CPNE4: variants seen among roughly 807,000 people sequenced by gnomAD.
The protein encoded by CPNE4 is copine 4.
CPNE4 carries 25 observed loss-of-function variants against 67.9 expected under a neutral mutation model. The observed-to-expected ratio is 0.37, with a 90% CI of 0.27 to 0.51. CPNE4 has a LOEUF of 0.51. Among genes scored for constraint, CPNE4 ranks in the 20% least tolerant of loss-of-function variants. The pLI, the probability that CPNE4 is intolerant of heterozygous loss-of-function variation, is 0.93. For missense variants in CPNE4, 464 were observed against 690.8 expected, an observed-to-expected ratio of 0.67 and a Z score of 3.68; for synonymous variants, 242 against 244.9, an observed-to-expected ratio of 0.99 and a Z score of 0.11.
At chr3:131,559,977 G>C (rs1936674002) in intron 11 of CPNE4, among the ~76,000 whole-genome samples, 1 of 152,018 alleles carries the variant, frequency 6.6e-6, no homozygotes, top group Admixed American at 6.6e-5. Context: ...AAATGTGACA[G>C]CTATACATTT....
intron 2 of CPNE4, among the ~76,000 whole-genome samples, chr3:131,742,343 G>A (rs774104957): frequency 6.6e-6 from 1 of 152,096 alleles, no homozygotes; most frequent in African/African-American, 2.4e-5. Context: ...AATTTATACC[G>A]TGGGCTCTCC....
chr3:131,978,514 T>TTATATA (rs1209915945), intron 1 of CPNE4, among the ~76,000 whole-genome samples: 23 of 76,562 alleles, frequency 3.0e-4, no homozygotes, highest in Non-Finnish European at 4.5e-4. Flanking sequence ...TTATATATAT[T>TTATATA]TATTTATATA....
At chr3:131,656,262 G>A (rs1041364474) in intron 7 of CPNE4, among the ~76,000 whole-genome samples, 5 of 152,114 alleles carry the variant, frequency 3.3e-5, no homozygotes, top group African/African-American at 1.2e-4. Flanking sequence ...GCAATGGGAA[G>A]TTCTCTGAGA....
At chr3:131,733,420 C>T (rs1023061892) in intron 2 of CPNE4, among the ~76,000 whole-genome samples, 3 of 152,192 alleles carry the variant, frequency 2.0e-5, no homozygotes, top group African/African-American at 7.2e-5. Context: ...TGGCTAAAGC[C>T]CCCCTAGAAT....
chr3:132,022,435 T>C lies in CPNE4; in HGVS notation c.-2+12132A>G, dbSNP rs1361887151. Among the ~76,000 whole-genome samples the C allele has an allele frequency of 2.0e-5, 3 of 152,264 alleles. No homozygotes were observed. The East Asian group carries it at 5.8e-4, about 29-fold the overall frequency. On this transcript the variant is annotated intron_variant, in intron 1 of 15. Coordinates refer to ENST00000429747, the MANE Select transcript of CPNE4 (RefSeq NM_130808.3). ...AGAGTTCCCAGGAGGTGGCCCCTCA[T>C]GGGACAGCACAGATTCCTGCTTGAT... is the stretch of plus-strand genomic sequence containing the variant.
intron 7 of CPNE4, among the ~76,000 whole-genome samples, chr3:131,598,440 GTTTTC>G (rs934756793): frequency 1.3e-5 from 2 of 152,068 alleles, no homozygotes; most frequent in Admixed American, 1.3e-4. Context: ...TACTCCCTTT[GTTTTC>G]TTTTGTTAGG....
intron 2 of CPNE4, among the ~76,000 whole-genome samples, chr3:131,735,846 G>T: frequency 6.6e-6 from 1 of 152,082 alleles, no homozygotes; most frequent in South Asian, 2.1e-4. Flanking sequence ...TTGGTATTTT[G>T]CCCAATTTCC....
At chr3:131,917,778 G>A (rs542319493) in intron 1 of CPNE4, among the ~76,000 whole-genome samples, 3 of 152,320 alleles carry the variant, frequency 2.0e-5, no homozygotes, top group Non-Finnish European at 4.4e-5. Context: ...AATTGATCAA[G>A]TCAGTGGACC....
At chr3:131,643,614 G>A (rs114039453) in intron 7 of CPNE4, among the ~76,000 whole-genome samples, 2,642 of 152,244 alleles carry the variant, frequency 0.017, 52 homozygotes, top group East Asian at 0.06. Flanking sequence ...AGATTTGGAA[G>A]GGGCCAGTGG....
intron 10 of CPNE4, among the ~76,000 whole-genome samples, chr3:131,565,001 G>T (rs182767970): frequency 5.9e-5 from 9 of 152,128 alleles, no homozygotes; most frequent in Admixed American, 3.3e-4. Flanking sequence ...AACCTGTCTT[G>T]CCACCAACTA....
At chr3:131,864,238 T>C (rs1453411791) in intron 2 of CPNE4, among the ~76,000 whole-genome samples, 2 of 151,380 alleles carry the variant, frequency 1.3e-5, no homozygotes, top group Non-Finnish European at 3.0e-5. Context: ...TCCAATTCTG[T>C]GAAGAAAGTC....
At chr3:131,542,953 A>G (rs1935592523) in intron 14 of CPNE4, 160 bp from the exon 15 acceptor site, 4 of 602,032 alleles carry the variant, frequency 6.6e-6, no homozygotes, top group Non-Finnish European at 1.2e-5. Flanking sequence ...CTAAAGGCTT[A>G]GGGTTCTGAT....
intron 1 of CPNE4, among the ~76,000 whole-genome samples, chr3:131,975,119 T>G (rs892534069): frequency 6.6e-5 from 10 of 152,146 alleles, no homozygotes; most frequent in African/African-American, 2.4e-4. Context: ...GTCATCAAAT[T>G]GAGATTGCAG....
intron 7 of CPNE4, among the ~76,000 whole-genome samples, chr3:131,610,557 G>T (rs1939778059): frequency 1.3e-5 from 2 of 152,152 alleles, no homozygotes; most frequent in Admixed American, 6.5e-5. Context: ...TTTAAATGTT[G>T]TTCATTGAGA....
At chr3:131,825,568 A>T (rs552743552) in intron 2 of CPNE4, among the ~76,000 whole-genome samples, 5 of 152,282 alleles carry the variant, frequency 3.3e-5, no homozygotes, top group African/African-American at 1.2e-4. Context: ...ATGATTAAAG[A>T]TACAAACTAT....
intron 7 of CPNE4, among the ~76,000 whole-genome samples, chr3:131,616,522 A>AT (rs1180911576): frequency 5.3e-5 from 8 of 152,208 alleles, no homozygotes; most frequent in African/African-American, 1.9e-4. Flanking sequence ...ATTCCTCTGG[A>AT]TAAAAATAGC....
intron 1 of CPNE4, among the ~76,000 whole-genome samples, chr3:131,942,475 A>G (rs879335319): frequency 1.2e-5 from 1 of 85,992 alleles, no homozygotes; most frequent in Non-Finnish European, 2.2e-5. Context: ...AGAGAGAGAG[A>G]GAGAGAGAGA....
chr3:131,949,586 T>C (rs1257102694), intron 1 of CPNE4, among the ~76,000 whole-genome samples: 2 of 152,288 alleles, frequency 1.3e-5, no homozygotes, highest in African/African-American at 4.8e-5. Context: ...ATTTGCTAGA[T>C]TCTGAGTCAA....
intron 1 of CPNE4, among the ~76,000 whole-genome samples, chr3:132,012,172 C>CT (rs1345723171): frequency 1.4e-4 from 12 of 85,652 alleles, no homozygotes; most frequent in Non-Finnish European, 2.9e-4. Flanking sequence ...TTTGCTTTTT[C>CT]GTTTTTTTTT....
Sources: gnomAD v4.1 joint callset for allele counts (sites outside exome capture counted in the v4.1 genomes callset) on GRCh38, gnomAD v4.1.1 for gene constraint, MANE v1.5 for transcripts, NCBI Gene and HGNC (gene_info 2026-07-23, HGNC 2026-07-21) for gene names.